The following TMEM106C variants were observed in gnomAD, a reference collection of about 807,000 sequenced individuals.
TMEM106C encodes transmembrane protein 106C.
TMEM106C carries 27 observed loss-of-function variants against 30.8 expected under a neutral mutation model. The observed-to-expected ratio is 0.88, with a 90% confidence interval of 0.65 to 1.21. The LOEUF (loss-of-function observed/expected upper bound fraction) is 1.21, where lower values mean the gene tolerates loss of function less well. Ranked by LOEUF, TMEM106C falls within the 50% of genes most tolerant of loss-of-function variation. TMEM106C has a pLI of 0.00. For synonymous variants in TMEM106C, 123 were observed against 118.8 expected, an observed-to-expected ratio of 1.04 and a Z score of -0.23; for missense variants, 288 against 307.8, an observed-to-expected ratio of 0.94 and a Z score of 0.48.
intron 3 of TMEM106C, 194 bp from the exon 4 acceptor site, chr12:47,965,642 TCC>T: frequency 1.3e-6 from 1 of 750,260 alleles, no homozygotes; most frequent in Non-Finnish European, 2.2e-6. Flanking sequence ...CAGCTTTTCT[TCC>T]CAGAGTGCAA....
Position 47,968,169 on chromosome 12 carries a change from C to A in TMEM106C, c.693C>A (p.Thr231=). Residue 231 remains threonine, a synonymous_variant, in exon 8 of 8, where the codon ACC becomes ACA. Transcript: ENST00000429772. Reference sequence around the variant, plus strand: ...AGATTTCATACATTGGCCTCATGACCCAGAGCTCCTTGGAGACACATCACT... The same window carrying A: ...AGATTTCATACATTGGCCTCATGACACAGAGCTCCTTGGAGACACATCACT... ...SVKISYIGLM[T]QSSLETHHYV... 6.2e-7 allele frequency: 1 copy of A among 1,614,030 alleles called. No homozygotes were observed. Among genetic ancestry groups the A allele is most frequent in the South Asian group, 1.1e-5 (1 of 91,072 alleles).
In TMEM106C at chr12:47,966,090, C is replaced by A; in HGVS notation, c.413C>A (p.Ala138Asp). The change falls in exon 5 of 8, where the codon GCC (alanine) becomes GAC (aspartate). Residue 138 changes from alanine to aspartate, a missense_variant and splice_region_variant. Coordinates refer to ENST00000429772, the MANE Select transcript of TMEM106C (RefSeq NM_001143842.2). ...GTTTCCTGACTTGCCCTGATGTAGG[C>A]CACCCTGAAAATCAGGAACTCCAAC... ...QDSLVILTIM[A>D]TLKIRNSNFY... is the part of the protein sequence containing the mutation. The A allele has an allele frequency of 1.2e-6, 2 of 1,614,230 alleles. No homozygotes were observed. Among genetic ancestry groups the A allele is most frequent in the Non-Finnish European group, 1.7e-6 (2 of 1,180,044 alleles).
At chr12:47,967,391 C>T in intron 7 of TMEM106C, 130 bp downstream of exon 7, 1 of 853,982 alleles carries the variant, frequency 1.2e-6, no homozygotes, top group South Asian at 1.4e-5. Flanking sequence ...CTCACAGGCA[C>T]AGATACAGTA....
At chr12:47,966,885 G>C in intron 6 of TMEM106C, 153 bp downstream of exon 6, 1 of 737,010 alleles carries the variant, frequency 1.4e-6, no homozygotes, top group South Asian at 1.7e-5. Flanking sequence ...TTTGAAGAAT[G>C]TATTATTATT....
At chr12:47,967,082 G>GC in intron 6 of TMEM106C, 126 bp from the exon 7 acceptor site, 1 of 939,160 alleles carries the variant, frequency 1.1e-6, no homozygotes, top group Middle Eastern at 2.1e-4. Context: ...GAGCTGACAA[G>GC]CCTTGGCAGC....
chr12:47,964,190 C>T lies in TMEM106C; in HGVS notation c.-28-19C>T. 2.5e-6 allele frequency: 4 copies of T among 1,587,394 alleles called. No individual in the cohort carries two copies. The highest frequency in any genetic ancestry group is 3.4e-6 in the Non-Finnish European group (4 of 1,162,538). On this transcript the variant is annotated intron_variant, in intron 1 of 7. Transcript: ENST00000429772. Reference sequence around the variant, plus strand: ...GATTCACTGGGGCCGCTAACGTGCACTCCCTCTTTTCATCTTAGGACATGA... The same window carrying T: ...GATTCACTGGGGCCGCTAACGTGCATTCCCTCTTTTCATCTTAGGACATGA...
rs1306323380 is a variant in TMEM106C at position 47,965,284 on chromosome 12, C to A, written c.190C>A (p.Gln64Lys). 1.2e-6 allele frequency: 2 copies of A among 1,613,750 alleles called. No homozygotes were observed. Among genetic ancestry groups the A allele is most frequent in the Non-Finnish European group, 1.7e-6 (2 of 1,179,814 alleles). ...CQGTGYIPTE[Q>K]VNELVALIPH... Reference sequence around the variant, plus strand: ...ATAATTGTTTGGCTCTTTTCTAGAGCAAGTAAATGAGTTGGTGGCTTTGAT... The same window carrying A: ...ATAATTGTTTGGCTCTTTTCTAGAGAAAGTAAATGAGTTGGTGGCTTTGAT... The change falls in exon 3 of 8, where the codon CAA becomes AAA. Residue 64 changes from glutamine to lysine, a missense_variant and splice_region_variant. Coordinates refer to ENST00000429772, the MANE Select transcript of TMEM106C (RefSeq NM_001143842.2).
Position 47,966,742 on chromosome 12 carries a change from C to T in TMEM106C, c.602+10C>T. The stretch of plus-strand genomic sequence containing the variant: ...CGTTTTCCTATGTGTAGTAAGGACA[C>T]TGTTCTCTCTGTGTGTGCTCTCTAC... On this transcript the variant is annotated intron_variant, in intron 6 of 7. Transcript: ENST00000429772. 1 of 1,613,974 alleles carries T rather than the reference C, an allele frequency of 6.2e-7. No homozygotes were observed.
intron 7 of TMEM106C, 127 bp from the exon 8 acceptor site, chr12:47,968,006 C>G: frequency 1.5e-6 from 1 of 651,434 alleles, no homozygotes; most frequent in Non-Finnish European, 2.7e-6. Flanking sequence ...GTTACATAAC[C>G]ATGAGGATAT....
rs1938205064 is a variant in TMEM106C at position 47,965,912 on chromosome 12, A to G, written c.326A>G (p.His109Arg). Reference sequence around the variant, plus strand: ...TTGGTGGTTTTCTTCCTGTTTCCGCATTCAGTCCTTGTGGATGATGACGGC... The same window carrying G: ...TTGGTGGTTTTCTTCCTGTTTCCGCGTTCAGTCCTTGTGGATGATGACGGC... ...SGLVVFFLFP[H>R]SVLVDDDGIK... Residue 109 changes from histidine (H) to arginine (R), a missense_variant, in exon 4 of 8, where the codon CAT (histidine) becomes CGT (arginine). By Grantham distance (29) the His-to-Arg change is conservative. Transcript: ENST00000429772. 6.2e-7 allele frequency: 1 copy of G among 1,614,190 alleles called. No individual in the cohort carries two copies. The highest frequency in any genetic ancestry group is 8.5e-7 in the Non-Finnish European group (1 of 1,180,050).
At chr12:47,965,664 A>G in intron 3 of TMEM106C, 174 bp from the exon 4 acceptor site, 1 of 832,210 alleles carries the variant, frequency 1.2e-6, no homozygotes, top group Non-Finnish European at 1.9e-6. Context: ...AACAGTGTTT[A>G]AAGGAGTTTT....
chr12:47,963,865 T>C, intron 1 of TMEM106C, 161 bp downstream of exon 1: 1 of 282,398 alleles, frequency 3.5e-6, no homozygotes, highest in South Asian at 3.9e-5. Context: ...TGTTTGTTGC[T>C]CGAGGAGGGG....
chr12:47,965,618 A>G (rs1938194440), intron 3 of TMEM106C: 5 of 701,114 alleles, frequency 7.1e-6, no homozygotes, highest in East Asian at 2.5e-5. Flanking sequence ...CTCTGTCCAC[A>G]TAGCTCCTTT....
chr12:47,965,928 T>C lies in TMEM106C; in HGVS notation c.342T>C (p.Asp114=). Reference sequence around the variant, plus strand: ...TGTTTCCGCATTCAGTCCTTGTGGATGATGACGGCATCAAAGTGGTGAAAG... The same window carrying C: ...TGTTTCCGCATTCAGTCCTTGTGGACGATGACGGCATCAAAGTGGTGAAAG... ...FFLFPHSVLV[D]DDGIKVVKVT... is the part of the protein sequence containing the mutation. The change falls in exon 4 of 8, where the codon GAT becomes GAC. Residue 114 remains aspartate (D), a synonymous_variant. Coordinates refer to ENST00000429772, the MANE Select transcript of TMEM106C (RefSeq NM_001143842.2). 2 of 1,614,262 alleles carry C rather than the reference T, an allele frequency of 1.2e-6. No individual in the cohort carries two copies. The highest frequency in any genetic ancestry group is 8.5e-7 in the Non-Finnish European group (1 of 1,180,050).
At chr12:47,967,101 C>A in intron 6 of TMEM106C, 107 bp from the exon 7 acceptor site, 1 of 1,140,628 alleles carries the variant, frequency 8.8e-7, no homozygotes, top group South Asian at 1.3e-5. Context: ...GCACTTAGGT[C>A]GGAAGGGGGA....
intron 3 of TMEM106C, chr12:47,965,584 G>A (rs1033063877): frequency 1.5e-6 from 1 of 653,618 alleles, no homozygotes. Flanking sequence ...GGAAAGTGGA[G>A]TGTTCTGGGA....
At chr12:47,965,663 T>G (rs374431909) in intron 3 of TMEM106C, 175 bp from the exon 4 acceptor site, 2 of 829,724 alleles carry the variant, frequency 2.4e-6, no homozygotes, top group African/African-American at 1.7e-5. Context: ...AAACAGTGTT[T>G]AAAGGAGTTT....
In TMEM106C at chr12:47,968,481, G is replaced by T; in HGVS notation, c.*252G>T. On this transcript the variant is annotated 3_prime_UTR_variant, in exon 8 of 8. Coordinates refer to ENST00000429772, the MANE Select transcript of TMEM106C (RefSeq NM_001143842.2). ...AGTTGGCACTCAATAAAGATTTGCA[G>T]AATTTAATACAGATCTTTTCAGCTG... 1.8e-6 allele frequency: 1 copy of T among 541,600 alleles called. No homozygotes were observed. The highest frequency in any genetic ancestry group is 3.8e-5 in the East Asian group (1 of 26,098). 33.5% of individuals were successfully genotyped at this position (541,600 alleles called of 1,614,324 possible). A position where few individuals can be genotyped will look rare whatever the true frequency, so the allele number is the denominator to read the frequency against.
At position 47,965,736 on chromosome 12, in the gene TMEM106C, C is replaced by G. The variant is rs971785256; in HGVS notation, c.252-102C>G. On this transcript the variant is annotated intron_variant, in intron 3 of 7. Coordinates refer to ENST00000429772, the MANE Select transcript of TMEM106C (RefSeq NM_001143842.2). ...TTATGGTTCCTGGCTCTTGGAACTTCCCTTTCAGCTCCCTTCTCTTTCCTG... is the reference window on the plus strand; with the variant it reads ...TTATGGTTCCTGGCTCTTGGAACTTGCCTTTCAGCTCCCTTCTCTTTCCTG... 5 of 1,437,308 alleles carry G rather than the reference C, an allele frequency of 3.5e-6. No homozygotes were observed. In the African/African-American group the frequency reaches 5.7e-5, roughly 16 times the overall value. The allele number at this position is 1,437,308 out of a possible 1,614,324, so 89.0% of individuals were successfully genotyped here.
Sources: allele counts gnomAD v4.1 joint callset, GRCh38; gene constraint gnomAD v4.1.1; transcripts MANE v1.5; gene names NCBI Gene and HGNC (gene_info 2026-07-23, HGNC 2026-07-21).